Variants in ZBBX observed in about 807,000 individuals in gnomAD.
ZBBX encodes zinc finger B-box domain containing, also known as zinc finger B-box domain-containing protein 1.
ZBBX carries 101 observed loss-of-function variants against 108.5 expected under a neutral mutation model. That is an observed-to-expected ratio of 0.93 (90% CI 0.79 to 1.10). The LOEUF (loss-of-function observed/expected upper bound fraction) is 1.10, where lower values mean the gene tolerates loss of function less well. Among genes scored for constraint, ZBBX ranks in the 50% least tolerant of loss-of-function variants. The pLI, the probability that ZBBX is intolerant of heterozygous loss-of-function variation, is 0.00. For missense variants in ZBBX, 1,009 were observed against 941.4 expected, an observed-to-expected ratio of 1.07 and a Z score of -0.94; for synonymous variants, 356 against 323.4, an observed-to-expected ratio of 1.10 and a Z score of -1.08.
chr3:167,292,437 G>T (rs1360620695), intron 18 of ZBBX, among the ~76,000 whole-genome samples: 1 of 152,142 alleles, frequency 6.6e-6, no homozygotes, highest in East Asian at 1.9e-4. Context: ...TGAACAACCT[G>T]CTCCTGAATG....
chr3:167,287,055 A>G (rs542688952), intron 19 of ZBBX, among the ~76,000 whole-genome samples: 11 of 151,388 alleles, frequency 7.3e-5, no homozygotes, highest in African/African-American at 2.7e-4. Flanking sequence ...CCTAGTCTCT[A>G]ATATCTTGCC....
intron 4 of ZBBX, among the ~76,000 whole-genome samples, chr3:167,371,681 C>T (rs1746176496): frequency 1.3e-5 from 2 of 152,088 alleles, no homozygotes; most frequent in African/African-American, 4.8e-5. Flanking sequence ...AACACATGTC[C>T]CTTTTTCTTT....
At chr3:167,392,965 C>T (rs1473073138) in intron 1 of ZBBX, 1 of 151,732 alleles carries the variant, frequency 6.6e-6, no homozygotes, top group Non-Finnish European at 1.5e-5. Flanking sequence ...GAACTTAAAG[C>T]CATGGGATGG....
chr3:167,355,195 G>A (rs1002841509), intron 8 of ZBBX, among the ~76,000 whole-genome samples: 2 of 151,770 alleles, frequency 1.3e-5, no homozygotes, highest in African/African-American at 4.8e-5. Flanking sequence ...GGAACTTTTG[G>A]GCTTCGTCTT....
chr3:167,388,165 G>A (rs1747976506), intron 1 of ZBBX, among the ~76,000 whole-genome samples: 1 of 151,918 alleles, frequency 6.6e-6, no homozygotes, highest in African/African-American at 2.4e-5. Context: ...AGCAACATTT[G>A]CAAAGAGCCA....
chr3:167,255,337 C>T (rs146011274), intron 20 of ZBBX, among the ~76,000 whole-genome samples: 128 of 151,928 alleles, frequency 8.4e-4, no homozygotes, highest in African/African-American at 2.9e-3. Context: ...ATCATGAATG[C>T]TATAATAAAA....
At chr3:167,191,934 T>TAGAG in the ZBBX span, among the ~76,000 whole-genome samples, 19 of 130,220 alleles carry the variant, frequency 1.5e-4, no homozygotes, top group Admixed American at 6.9e-4. Flanking sequence ...TATATATATA[T>TAGAG]AGAGCAAGTT....
chr3:167,247,001 C>T (rs59981812), intron 20 of ZBBX, among the ~76,000 whole-genome samples: 2,646 of 152,216 alleles, frequency 0.017, 77 homozygotes, highest in African/African-American at 0.061. Context: ...TACGGAAGTA[C>T]GGCAGGGAAG....
intron 16 of ZBBX, among the ~76,000 whole-genome samples, chr3:167,312,040 T>C (rs1734683183): frequency 6.6e-6 from 1 of 152,216 alleles, no homozygotes; most frequent in Admixed American, 6.5e-5. Context: ...CAAAATGTTC[T>C]TCAATAGGTG....
intron 10 of ZBBX, among the ~76,000 whole-genome samples, chr3:167,330,867 G>A (rs1577017826): frequency 1.2e-5 from 1 of 83,406 alleles, no homozygotes; most frequent in Non-Finnish European, 2.2e-5. Context: ...AGGAGGAGGA[G>A]GAGGAGAAGA....
downstream of ZBBX, among the ~76,000 whole-genome samples, chr3:167,239,098 G>A (rs1003003442): frequency 2.0e-5 from 3 of 151,970 alleles, no homozygotes; most frequent in Admixed American, 6.6e-5. Flanking sequence ...AAATCCACAG[G>A]GCTGGCCTGC....
upstream of ZBBX, among the ~76,000 whole-genome samples, chr3:167,383,285 C>T (rs1414494014): frequency 1.3e-5 from 2 of 151,890 alleles, no homozygotes; most frequent in African/African-American, 4.8e-5. Context: ...TTTACAAGCC[C>T]TGAAATGTGG....
intron 12 of ZBBX, among the ~76,000 whole-genome samples, chr3:167,319,736 TTCTC>T (rs1259807221): frequency 1.3e-5 from 2 of 152,046 alleles, no homozygotes; most frequent in Admixed American, 6.6e-5. Flanking sequence ...TGTCCCTTGT[TTCTC>T]TCAGTGATAT....
intron 10 of ZBBX, among the ~76,000 whole-genome samples, chr3:167,332,388 C>T (rs894882223): frequency 6.6e-6 from 1 of 152,008 alleles, no homozygotes; most frequent in African/African-American, 2.4e-5. Flanking sequence ...AATATACACT[C>T]CTGGATGAAA....
intron 1 of ZBBX, among the ~76,000 whole-genome samples, chr3:167,398,842 T>A (rs546400912): frequency 6.6e-6 from 1 of 152,094 alleles, no homozygotes; most frequent in East Asian, 1.9e-4. Context: ...GGGGCCAGAT[T>A]TTTAAGAAGT....
At chr3:167,373,297 G>A (rs1460956783) in intron 3 of ZBBX, among the ~76,000 whole-genome samples, 1 of 152,176 alleles carries the variant, frequency 6.6e-6, no homozygotes, top group African/African-American at 2.4e-5. Flanking sequence ...TAAGGAACCT[G>A]AGCATCCTAG....
At chr3:167,224,243 C>T in the ZBBX span, among the ~76,000 whole-genome samples, 15 of 151,862 alleles carry the variant, frequency 9.9e-5, no homozygotes, top group Non-Finnish European at 1.9e-4. Flanking sequence ...TTGATTTATA[C>T]GTGCTTACTT....
chr3:167,233,155 G>A, the ZBBX span, among the ~76,000 whole-genome samples: 1 of 151,496 alleles, frequency 6.6e-6, no homozygotes, highest in Non-Finnish European at 1.5e-5. Flanking sequence ...TGGGCCTGCT[G>A]AGGCCATGTT....
At chr3:167,386,495 A>C (rs1401429211) in intron 1 of ZBBX, among the ~76,000 whole-genome samples, 1 of 152,080 alleles carries the variant, frequency 6.6e-6, no homozygotes, top group Non-Finnish European at 1.5e-5. Context: ...TCATAATTGC[A>C]AATTAATATT....
Sources: allele counts gnomAD v4.1 joint callset (sites outside exome capture counted in the v4.1 genomes callset), GRCh38; gene constraint gnomAD v4.1.1; transcripts MANE v1.5; gene names NCBI Gene and HGNC (gene_info 2026-07-23, HGNC 2026-07-21).